FN1: variants seen among roughly 807,000 people sequenced by gnomAD.
FN1 encodes fibronectin 1.
Under a neutral mutation model 297.3 loss-of-function variants are expected in FN1, and 106 were observed. That is an observed-to-expected ratio of 0.36 (90% confidence interval 0.30 to 0.42). The LOEUF (loss-of-function observed/expected upper bound fraction) is 0.42. Ranked by LOEUF, FN1 falls within the 10% of genes least tolerant of loss-of-function variation. The pLI, the probability that FN1 is intolerant of heterozygous loss-of-function variation, is 1.00. For missense variants in FN1, 2,690 were observed against 3,124.9 expected (o/e 0.86, Z 3.32); for synonymous variants, 1,149 against 1,152.6 (o/e 1.00, Z 0.06).
chr2:215,375,274 A>G lies in FN1; in HGVS notation c.6097T>C (p.Ser2033Pro). The G allele has an allele frequency of 1.2e-6, 2 of 1,614,122 alleles. No homozygotes were observed. Among genetic ancestry groups the G allele is most frequent in the South Asian group, 1.1e-5 (1 of 91,076 alleles). Reference sequence around the variant, plus strand: ...CGAGGGACCACTTCTCTGGGAGGAGACCCAGGCTTCTCATACTTGATGATG... The same window carrying G: ...CGAGGGACCACTTCTCTGGGAGGAGGCCCAGGCTTCTCATACTTGATGATG... ...GYIIKYEKPG[S>P]PPREVVPRPR... Residue 2033 changes from serine (S) to proline (P), a missense_variant, in exon 38 of 46, where the codon TCT becomes CCT. By Grantham distance (74) the Ser-to-Pro change is moderately conservative. Coordinates refer to ENST00000354785, the MANE Select transcript of FN1 (RefSeq NM_212482.4).
In FN1 at chr2:215,430,801, G is replaced by A. The variant is rs761391133; in HGVS notation, c.599C>T (p.Thr200Met). ...AAGTSYVVGE[T>M]WEKPYQGWMM... Reference sequence around the variant, plus strand: ...CCAGCCTTGGTAGGGCTTCTCCCACGTTTCTCCGACCACATAGGAAGTCCC... The same window carrying A: ...CCAGCCTTGGTAGGGCTTCTCCCACATTTCTCCGACCACATAGGAAGTCCC... Residue 200 changes from threonine to methionine, a missense_variant, in exon 5 of 46, where the codon ACG (threonine) becomes ATG (methionine). Thr to Met is a moderately conservative substitution (Grantham distance 81). Coordinates refer to ENST00000354785, the MANE Select transcript of FN1 (RefSeq NM_212482.4). 1.5e-5 allele frequency: 25 copies of A among 1,613,930 alleles called. No individual in the cohort carries two copies. The highest frequency in any genetic ancestry group is 3.3e-5 in the South Asian group (3 of 91,084).
intron 44 of FN1, 161 bp from the exon 45 acceptor site, chr2:215,362,240 C>A (rs2053608747): frequency 3.0e-6 from 2 of 660,612 alleles, no homozygotes; most frequent in African/African-American, 1.8e-5. Context: ...GCATTTATAA[C>A]TCTTAATACA....
chr2:215,427,398 A>T (rs542138539), intron 6 of FN1, among the ~76,000 whole-genome samples: 1 of 152,346 alleles, frequency 6.6e-6, no homozygotes, highest in African/African-American at 2.4e-5. Context: ...TAATCAAAAC[A>T]TATTAAAAAT....
At chr2:215,408,449 A>C in intron 15 of FN1, 23 bp from the exon 16 acceptor site, 5 of 1,613,684 alleles carry the variant, frequency 3.1e-6, no homozygotes, top group Non-Finnish European at 4.2e-6. Context: ...AAGAAAAGGT[A>C]ACTAATCAGA....
intron 33 of FN1, 73 bp downstream of exon 33, chr2:215,380,738 G>T: frequency 6.5e-7 from 1 of 1,528,804 alleles, no homozygotes; most frequent in Non-Finnish European, 9.1e-7. Context: ...ATAGCCCAGT[G>T]AAGCATAATT....
chr2:215,412,259 G>T (rs2062765323), intron 13 of FN1, among the ~76,000 whole-genome samples: 1 of 151,470 alleles, frequency 6.6e-6, no homozygotes, highest in Non-Finnish European at 1.5e-5. Flanking sequence ...AGACTCTACG[G>T]AGACTACATT....
chr2:215,394,482 T>C, intron 24 of FN1, 46 bp downstream of exon 24: 1 of 1,463,176 alleles, frequency 6.8e-7, no homozygotes, highest in Admixed American at 1.7e-5. Flanking sequence ...ATCCCCACTC[T>C]TATTGGAAGT....
At position 215,420,816 on chromosome 2, in the gene FN1, G is replaced by A; in HGVS notation, c.1547-15C>T. On this transcript the variant is annotated splice_polypyrimidine_tract_variant and intron_variant, in intron 10 of 45. Transcript: ENST00000354785. ...AATGCACTGATCTGTTTAGGAAACA[G>A]GTGGGTGAGTGAGAAACTTTTTAAA... 6.2e-7 allele frequency: 1 copy of A among 1,613,670 alleles called. No homozygotes were observed. Among genetic ancestry groups the A allele is most frequent in the Non-Finnish European group, 8.5e-7 (1 of 1,179,602 alleles).
chr2:215,406,489 T>C lies in FN1; in HGVS notation c.2735A>G (p.Asp912Gly), dbSNP rs1447305684. ...GTCTGTCACTTCCACAAACTGCAGG[T>C]CCCTGGGAGAGGGCACTGTATCTGA... ...PRSDTVPSPR[D>G]LQFVEVTDVK... The change falls in exon 19 of 46, where the codon GAC becomes GGC. Residue 912 changes from aspartate (D) to glycine (G), a missense_variant. Asp to Gly is a moderately conservative substitution (Grantham distance 94). Coordinates refer to ENST00000354785, the MANE Select transcript of FN1 (RefSeq NM_212482.4). The C allele has an allele frequency of 5.0e-6, 8 of 1,613,916 alleles. No individual in the cohort carries two copies. Among genetic ancestry groups the C allele is most frequent in the Non-Finnish European group, 6.8e-6 (8 of 1,180,012 alleles).
intron 42 of FN1, among the ~76,000 whole-genome samples, chr2:215,366,509 C>T (rs2054634526): frequency 6.6e-6 from 1 of 152,188 alleles, no homozygotes; most frequent in South Asian, 2.1e-4. Context: ...TTATTATCCA[C>T]ATCAAATAAG....
At chr2:215,423,298 C>A in intron 9 of FN1, 52 bp downstream of exon 9, 1 of 1,583,856 alleles carries the variant, frequency 6.3e-7, no homozygotes. Context: ...TCTTTAGTCT[C>A]TACTCCCTAA....
chr2:215,373,311 G>A lies in FN1; in HGVS notation c.6247+11C>T. 6.2e-7 allele frequency: 1 copy of A among 1,604,416 alleles called. No homozygotes were observed. The highest frequency in any genetic ancestry group is 8.5e-7 in the Non-Finnish European group (1 of 1,171,398). ...CTATCTTTCTCCTTGTTACCTGCAA[G>A]ATACTCTTACCTGTCTTTTTCCTTC... On this transcript the variant is annotated intron_variant, in intron 39 of 45. Transcript: ENST00000354785.
chr2:215,407,956 A>ACGC, intron 17 of FN1, 152 bp downstream of exon 17: 4 of 33,188 alleles, frequency 1.2e-4, no homozygotes, highest in Admixed American at 6.7e-4. Context: ...CACCCCCGCC[A>ACGC]CACACACACA....
intron 1 of FN1, 75 bp from the exon 2 acceptor site, chr2:215,434,899 A>C (rs1317169120): frequency 1.3e-6 from 2 of 1,510,676 alleles, no homozygotes; most frequent in African/African-American, 1.4e-5. Context: ...CTTCATGTGA[A>C]TATTGACGTA....
Position 215,386,906 on chromosome 2 carries a change from A to G in FN1, c.4395T>C (p.Phe1465=). The G allele has an allele frequency of 6.2e-7, 1 of 1,613,496 alleles. No homozygotes were observed. The highest frequency in any genetic ancestry group is 8.5e-7 in the Non-Finnish European group (1 of 1,179,804). ...IDFSDITANS[F]TVHWIAPRAT... ...CTCGAGGAGCAATCCAGTGCACAGTAAAAGAGTTGGCAGTAATATCAGAAA... is the reference window on the plus strand; with the variant it reads ...CTCGAGGAGCAATCCAGTGCACAGTGAAAGAGTTGGCAGTAATATCAGAAA... The change falls in exon 28 of 46, where the codon TTT becomes TTC. Residue 1465 remains phenylalanine, a synonymous_variant. Transcript: ENST00000354785.
In FN1 at chr2:215,377,608, C is replaced by A. The variant is rs543102714; in HGVS notation, c.5710+567G>T. Among the ~76,000 whole-genome samples, 4 of 152,314 alleles carry A rather than the reference C, an allele frequency of 2.6e-5. No individual in the cohort carries two copies. In the South Asian group the frequency reaches 8.3e-4, roughly 32 times the overall value. On this transcript the variant is annotated intron_variant, in intron 35 of 45. Transcript: ENST00000354785. Reference sequence around the variant, plus strand: ...TACCAGCACCATGCTTCCTGTAAAGCCTGCTGGCCTGTGGGCCAATTAAGC... The same window carrying A: ...TACCAGCACCATGCTTCCTGTAAAGACTGCTGGCCTGTGGGCCAATTAAGC...
rs778868592 is a variant in FN1, at chr2:215,365,634, T to TA, written c.7019-5dup. 1.9e-6 allele frequency: 3 copies of TA among 1,613,882 alleles called. No homozygotes were observed. The highest frequency in any genetic ancestry group is 3.3e-5 in the Admixed American group (2 of 60,010). On this transcript the variant is annotated splice_polypyrimidine_tract_variant and splice_region_variant and intron_variant, in intron 42 of 45. Transcript: ENST00000354785. ...ACACCATTGTCATGGCACCATCCTG[T>TA]AGGGGTGGGGAAAGTCAGGACCAAA...
intron 30 of FN1, among the ~76,000 whole-genome samples, 175 bp downstream of exon 30, chr2:215,383,845 G>A (rs2058544835): frequency 6.6e-6 from 1 of 152,184 alleles, no homozygotes; most frequent in South Asian, 2.1e-4. Flanking sequence ...CTGCCCTTGG[G>A]GTGCTTCCTT....
At chr2:215,433,282 T>C (rs2106539452) in intron 3 of FN1, 42 bp downstream of exon 3, 15 of 1,607,672 alleles carry the variant, frequency 9.3e-6, no homozygotes, top group Non-Finnish European at 1.2e-5. Context: ...GAGAAATTCA[T>C]ATTTGATATT....
Sources: allele counts gnomAD v4.1 joint callset (sites outside exome capture counted in the v4.1 genomes callset), GRCh38; gene constraint gnomAD v4.1.1; transcripts MANE v1.5; gene names NCBI Gene and HGNC (gene_info 2026-07-23, HGNC 2026-07-21).